Variants in KCNQ2 observed in about 807,000 individuals in gnomAD.
The protein encoded by KCNQ2 is potassium voltage-gated channel subfamily Q member 2, also known as potassium voltage-gated channel subfamily KQT member 2.
A neutral mutation model predicts 84.8 loss-of-function variants in KCNQ2; 14 were observed. The ratio of observed to expected loss-of-function variants is 0.17; its 90% CI spans 0.11 to 0.26. KCNQ2 has a LOEUF of 0.26. KCNQ2 is among the 10% of genes least tolerant of loss of function. The pLI is 1.00. For missense variants in KCNQ2, 788 were observed against 1,254.0 expected (o/e 0.63, Z 5.61); for synonymous variants, 599 against 554.1 (o/e 1.08, Z -1.14).
intron 4 of KCNQ2, among the ~76,000 whole-genome samples, chr20:63,442,798 C>CATT (rs2081229630): frequency 9.2e-6 from 1 of 109,060 alleles, no homozygotes; most frequent in Non-Finnish European, 2.0e-5. Flanking sequence ...TCACCATTAC[C>CATT]ACCACCATTA....
At chr20:63,458,668 C>T (rs1466411805) in intron 1 of KCNQ2, among the ~76,000 whole-genome samples, 1 of 152,206 alleles carries the variant, frequency 6.6e-6, no homozygotes, top group African/African-American at 2.4e-5. Flanking sequence ...GACCCCACAT[C>T]CTCTGCTCAG....
At chr20:63,413,745 C>T (rs568682076) in intron 14 of KCNQ2, among the ~76,000 whole-genome samples, 164 bp from the exon 15 acceptor site, 55 of 142,682 alleles carry the variant, frequency 3.9e-4, no homozygotes, top group Admixed American at 3.2e-3. Flanking sequence ...CTTTATGTGG[C>T]CCTGCTCTGC....
rs936969316 is a variant in KCNQ2 at position 63,404,037 on chromosome 20, C to T, written c.*2607G>A. On this transcript the variant is annotated 3_prime_UTR_variant, in exon 17 of 17. Transcript: ENST00000359125. ...CCCGCAACCATCCCAGGACGTGCAC[C>T]TTCCCTCTTCCCAGGGCCCAGAGAC... 17 of 152,520 alleles carry T rather than the reference C, an allele frequency of 1.1e-4. No homozygotes were observed. Among genetic ancestry groups the T allele is most frequent in the African/African-American group, 3.9e-4 (16 of 41,470 alleles). The allele number at this position is 152,520 out of a possible 1,614,324, so 9.4% of individuals were successfully genotyped here. A position where few individuals can be genotyped will look rare whatever the true frequency, so the allele number is the denominator to read the frequency against.
Position 63,446,861 on chromosome 20 carries a change from TCAGA to T in KCNQ2, c.297-28_297-25del, listed in dbSNP as rs775819473. On this transcript the variant is annotated intron_variant, in intron 1 of 16. Transcript: ENST00000359125. This position sits in a 1 kb window ranked among gnomAD's most constrained non-coding sequence, Gnocchi z 5.5. ...ACCTGGGGGCAGGGAACGCGCGCTC[TCAGA>T]CAGGCCGCAGCAGGGCAGCAGCATG... is the stretch of plus-strand genomic sequence containing the variant. 8.8e-6 allele frequency: 14 copies of T among 1,598,804 alleles called. No homozygotes were observed. The highest frequency in any genetic ancestry group is 1.3e-5 in the African/African-American group (1 of 74,566).
intron 14 of KCNQ2, 30 bp from the exon 15 acceptor site, chr20:63,413,611 C>G (rs762138535): frequency 6.2e-7 from 1 of 1,608,844 alleles, no homozygotes. Context: ...GCTGTGAGCC[C>G]TGGGCCAGAG....
At chr20:63,464,997 G>A (rs1385030443) in intron 1 of KCNQ2, among the ~76,000 whole-genome samples, 5 of 152,364 alleles carry the variant, frequency 3.3e-5, no homozygotes, top group East Asian at 1.9e-4. Flanking sequence ...CCAAGGGCAC[G>A]CTATTTCAGA....
At chr20:63,431,502 G>C (rs1337565461) in intron 8 of KCNQ2, 133 bp from the exon 9 acceptor site, 1 of 995,966 alleles carries the variant, frequency 1.0e-6, no homozygotes, top group Non-Finnish European at 1.6e-6. Flanking sequence ...TTAGCACAAG[G>C]GCTGGTTCTG....
chr20:63,409,115 A>T (rs2080034913), intron 15 of KCNQ2, among the ~76,000 whole-genome samples: 2 of 152,250 alleles, frequency 1.3e-5, no homozygotes, highest in African/African-American at 4.8e-5. Flanking sequence ...GGCTCCATGC[A>T]CCAGGACAAG....
chr20:63,443,165 C>G (rs1292681256), intron 4 of KCNQ2, among the ~76,000 whole-genome samples: 1 of 122,068 alleles, frequency 8.2e-6, no homozygotes, highest in Non-Finnish European at 1.8e-5. Context: ...GGCGCCACCA[C>G]CATCACATCA....
In KCNQ2 at chr20:63,414,471, G is replaced by A. The variant is rs528592989; in HGVS notation, c.1526-278C>T. Among the ~76,000 whole-genome samples, 4 of 152,216 alleles carry A rather than the reference G, an allele frequency of 2.6e-5. No homozygotes were observed. The highest frequency in any genetic ancestry group is 2.1e-4 in the South Asian group (1 of 4,818). ...GATGAACAGAACATGGCGCATCCAC[G>A]CACAGATGTTAACGGCGGAAGGTGC... On this transcript the variant is annotated intron_variant, in intron 13 of 16. Coordinates refer to ENST00000359125, the MANE Select transcript of KCNQ2 (RefSeq NM_172107.4). This position sits in a 1 kb window ranked among gnomAD's most constrained non-coding sequence, Gnocchi z 6.6.
chr20:63,419,654 T>C lies in KCNQ2; in HGVS notation c.1266A>G (p.Arg422=). The C allele has an allele frequency of 6.2e-7, 1 of 1,611,570 alleles. No individual in the cohort carries two copies. Among genetic ancestry groups the C allele is most frequent in the Non-Finnish European group, 8.5e-7 (1 of 1,179,560 alleles). The part of the protein sequence containing the change: ...EPSPSKGSPC[R]GPLCGCCPGR... ...CGGGGCAGCATCCACACAGGGGCCC[T>C]CTGCACGGGCTGCCTTTACTGGAAA... The change falls in exon 12 of 17, where the codon AGA becomes AGG. Residue 422 remains arginine, a synonymous_variant. Coordinates refer to ENST00000359125, the MANE Select transcript of KCNQ2 (RefSeq NM_172107.4).
In KCNQ2 at chr20:63,412,601, G is replaced by A. The variant is rs962551914; in HGVS notation, c.1763+849C>T. Among the ~76,000 whole-genome samples the A allele has an allele frequency of 5.3e-5, 8 of 152,322 alleles. No homozygotes were observed. The East Asian group carries it at 9.6e-4, about 18-fold the overall frequency. The stretch of plus-strand genomic sequence containing the variant: ...GCAGGAGCCCCAGGGTGGGGCTCTC[G>A]ACTTCCTCAGATGAGAGCTTCACTC... On this transcript the variant is annotated intron_variant, in intron 15 of 16. Transcript: ENST00000359125.
Position 63,472,504 on chromosome 20 carries a change from G to T in KCNQ2, c.-41C>A. 4 of 1,392,396 alleles carry T rather than the reference G, an allele frequency of 2.9e-6. No individual in the cohort carries two copies. Among genetic ancestry groups the T allele is most frequent in the Non-Finnish European group, 3.7e-6 (4 of 1,076,710 alleles). 86.3% of individuals were successfully genotyped at this position (1,392,396 alleles called of 1,614,324 possible). ...GCGCCCCGGGTCGGGCTCAGGCTCA[G>T]CGGGGGCGGAGCGCGGGGGGCGGCG... On this transcript the variant is annotated 5_prime_UTR_variant, in exon 1 of 17. The change creates a new upstream start codon in the 5' untranslated region. Transcript: ENST00000359125.
At position 63,434,208 on chromosome 20, in the gene KCNQ2, C is replaced by G. The variant is rs749887716; in HGVS notation, c.1024-305G>C. ...GCTGTGTTCTTTCCTTTTCATGACT[C>G]TTACCTGGCCCCTGGCGGGTATCAC... On this transcript the variant is annotated intron_variant, in intron 7 of 16. Coordinates refer to ENST00000359125, the MANE Select transcript of KCNQ2 (RefSeq NM_172107.4). 2.4e-4 allele frequency: 106 copies of G among 436,088 alleles called. No individual in the cohort carries two copies. Among genetic ancestry groups the G allele is most frequent in the Middle Eastern group, 5.8e-4 (1 of 1,732 alleles). 27.0% of individuals were successfully genotyped at this position (436,088 alleles called of 1,614,324 possible). A position where few individuals can be genotyped will look rare whatever the true frequency, so the allele number is the denominator to read the frequency against.
Position 63,425,335 on chromosome 20 carries a change from A to C in KCNQ2, c.1218-1129T>G, listed in dbSNP as rs1426942259. Among the ~76,000 whole-genome samples the C allele has an allele frequency of 6.6e-6, 1 of 152,094 alleles. No homozygotes were observed. The highest frequency in any genetic ancestry group is 2.4e-5 in the African/African-American group (1 of 41,406). On this transcript the variant is annotated intron_variant, in intron 10 of 16. Coordinates refer to ENST00000359125, the MANE Select transcript of KCNQ2 (RefSeq NM_172107.4). The surrounding 1 kb of genome is among the most constrained non-coding windows in gnomAD (Gnocchi z 5.5). ...CCCCGACCCCCCAAAATTCATGTCC[A>C]TCTTACATCGAGAATACACTCACCC...
chr20:63,428,732 G>A (rs2145639468), intron 9 of KCNQ2, among the ~76,000 whole-genome samples: 1 of 152,276 alleles, frequency 6.6e-6, no homozygotes, highest in East Asian at 1.9e-4. Context: ...CGACCCTGCA[G>A]CCTGGAGCAG....
intron 8 of KCNQ2, among the ~76,000 whole-genome samples, chr20:63,432,422 C>A (rs2080840474): frequency 6.9e-6 from 1 of 144,214 alleles, no homozygotes; most frequent in African/African-American, 2.6e-5. Flanking sequence ...TCAGGGAAGG[C>A]CCCACCCTCA....
At chr20:63,448,377 G>C (rs1057398228) in intron 1 of KCNQ2, 1 of 152,304 alleles carries the variant, frequency 6.6e-6, no homozygotes, top group Non-Finnish European at 1.5e-5. Context: ...GCTGCCTCTC[G>C]TTCCAACCGT....
At chr20:63,411,690 T>G in intron 15 of KCNQ2, 1 of 533,008 alleles carries the variant, frequency 1.9e-6, no homozygotes. Flanking sequence ...GGGGAAAGGG[T>G]GGTACAAGGT....
Sources: gnomAD v4.1 joint callset for allele counts (sites outside exome capture counted in the v4.1 genomes callset) on GRCh38, gnomAD v4.1.1 for gene constraint, Gnocchi (gnomAD v3.1) non-coding constraint, MANE v1.5 for transcripts, NCBI Gene and HGNC (gene_info 2026-07-23, HGNC 2026-07-21) for gene names.